GALNT13: variants seen among roughly 807,000 people sequenced by gnomAD.
The protein encoded by GALNT13 is polypeptide N-acetylgalactosaminyltransferase 13, also known as UDP-GalNAc:polypeptide N-acetylgalactosaminyltransferase 13.
GALNT13 carries 28 observed loss-of-function variants against 64.2 expected under a neutral mutation model. That is an observed-to-expected ratio of 0.44 (90% confidence interval 0.32 to 0.60). The LOEUF (loss-of-function observed/expected upper bound fraction) is 0.60, where lower values mean the gene tolerates loss of function less well. GALNT13 is among the 20% of genes least tolerant of loss of function. The pLI, the probability that GALNT13 is intolerant of heterozygous loss-of-function variation, is 0.05. For missense variants in GALNT13, 577 were observed against 669.8 expected (o/e 0.86, Z 1.53); for synonymous variants, 214 against 224.6 (o/e 0.95, Z 0.42).
the GALNT13 span, among the ~76,000 whole-genome samples, chr2:153,820,814 C>T: frequency 1.8e-4 from 28 of 152,130 alleles, no homozygotes; most frequent in South Asian, 1.9e-3. Context: ...ATCAAGTCTA[C>T]GAAACAACCA....
chr2:153,496,279 T>G, the GALNT13 span, among the ~76,000 whole-genome samples: 1 of 152,314 alleles, frequency 6.6e-6, no homozygotes, highest in East Asian at 1.9e-4. Flanking sequence ...GGACCTTTCC[T>G]TTTTAAGGAA....
the GALNT13 span, among the ~76,000 whole-genome samples, chr2:153,666,459 C>T: frequency 4.1e-4 from 63 of 152,276 alleles, 1 homozygote; most frequent in African/African-American, 1.4e-3. Context: ...TAGGACTCCC[C>T]ATTGGAGTGG....
At chr2:153,558,598 T>G in the GALNT13 span, among the ~76,000 whole-genome samples, 1 of 152,142 alleles carries the variant, frequency 6.6e-6, no homozygotes, top group African/African-American at 2.4e-5. Context: ...TAAGTCCTTA[T>G]GTAGTGCTTT....
intron 11 of GALNT13, among the ~76,000 whole-genome samples, chr2:154,421,433 C>T (rs1400983468): frequency 6.6e-6 from 1 of 151,874 alleles, no homozygotes; most frequent in Non-Finnish European, 1.5e-5. Flanking sequence ...ATATATTTTG[C>T]CTTGCTACAA....
At chr2:154,374,545 T>C (rs2037663) in intron 9 of GALNT13, among the ~76,000 whole-genome samples, 91,010 of 152,072 alleles carry the variant, frequency 0.6, 28,068 homozygotes, top group Admixed American at 0.67. Context: ...GGGAGAACCA[T>C]TACCTATCTA....
chr2:153,149,629 T>A, the GALNT13 span, among the ~76,000 whole-genome samples: 14 of 151,898 alleles, frequency 9.2e-5, no homozygotes, highest in Non-Finnish European at 5.9e-5. Flanking sequence ...AACACTCATT[T>A]TTTTGCAGTG....
At chr2:153,348,778 T>C in the GALNT13 span, among the ~76,000 whole-genome samples, 1 of 152,174 alleles carries the variant, frequency 6.6e-6, no homozygotes, top group Non-Finnish European at 1.5e-5. Flanking sequence ...TCTTAATTTC[T>C]GAACGAATCA....
the GALNT13 span, among the ~76,000 whole-genome samples, chr2:153,128,807 G>C: frequency 3.3e-5 from 5 of 151,786 alleles, no homozygotes; most frequent in Non-Finnish European, 7.4e-5. Context: ...TGGAAGGTAA[G>C]GAGGAACTCT....
intron 3 of GALNT13, among the ~76,000 whole-genome samples, chr2:154,049,165 G>A (rs1473935968): frequency 6.6e-6 from 1 of 151,862 alleles, no homozygotes; most frequent in African/African-American, 2.4e-5. Context: ...TTTGCTGACT[G>A]GAAGTTGCAG....
At chr2:154,058,704 C>A (rs1700025508) in intron 3 of GALNT13, among the ~76,000 whole-genome samples, 1 of 152,090 alleles carries the variant, frequency 6.6e-6, no homozygotes, top group South Asian at 2.1e-4. Flanking sequence ...TTGCAAGGGG[C>A]CAGTTTGGCT....
intron 4 of GALNT13, among the ~76,000 whole-genome samples, chr2:154,181,801 A>G (rs1415568316): frequency 6.6e-6 from 1 of 152,086 alleles, no homozygotes; most frequent in Non-Finnish European, 1.5e-5. Context: ...AACATAAATA[A>G]TATTTCACCA....
At chr2:153,437,855 T>C in the GALNT13 span, among the ~76,000 whole-genome samples, 1 of 152,252 alleles carries the variant, frequency 6.6e-6, no homozygotes, top group Non-Finnish European at 1.5e-5. Flanking sequence ...ATGTGTGAAT[T>C]TGATCCTGTC....
intron 4 of GALNT13, among the ~76,000 whole-genome samples, chr2:154,231,057 A>C (rs1688889395): frequency 6.6e-6 from 1 of 152,024 alleles, no homozygotes. Context: ...TCACACCACC[A>C]CTGAGGAGCT....
the GALNT13 span, among the ~76,000 whole-genome samples, chr2:153,635,459 T>TATATATATATACAC: frequency 6.7e-6 from 1 of 149,184 alleles, no homozygotes; most frequent in Non-Finnish European, 1.5e-5. Flanking sequence ...TATATGTATA[T>TATATATATATACAC]GTGTATACGT....
the GALNT13 span, among the ~76,000 whole-genome samples, chr2:153,607,132 A>C: frequency 6.6e-6 from 1 of 151,964 alleles, no homozygotes; most frequent in Non-Finnish European, 1.5e-5. Flanking sequence ...ATCCCCAGGA[A>C]CCCAAATACC....
chr2:154,016,644 C>T (rs1036680905), intron 3 of GALNT13, among the ~76,000 whole-genome samples: 1 of 152,046 alleles, frequency 6.6e-6, no homozygotes, highest in Admixed American at 6.5e-5. Flanking sequence ...TCTTGAACTC[C>T]TGACCTCATG....
chr2:154,096,074 G>A (rs1702059684), intron 3 of GALNT13, among the ~76,000 whole-genome samples: 1 of 151,924 alleles, frequency 6.6e-6, no homozygotes, highest in African/African-American at 2.4e-5. Flanking sequence ...TAATAAGGAT[G>A]AATATTTATA....
chr2:153,408,093 C>T, the GALNT13 span, among the ~76,000 whole-genome samples: 1 of 152,152 alleles, frequency 6.6e-6, no homozygotes, highest in Non-Finnish European at 1.5e-5. Flanking sequence ...AATGAGCCCC[C>T]AGTGGGTGTT....
intron 4 of GALNT13, among the ~76,000 whole-genome samples, chr2:154,153,331 T>C (rs1684178249): frequency 2.0e-5 from 3 of 152,298 alleles, no homozygotes; most frequent in Middle Eastern, 3.4e-3. Flanking sequence ...GGTGTCAGTC[T>C]GCCCCTACTG....
Sources: allele counts gnomAD v4.1 joint callset (sites outside exome capture counted in the v4.1 genomes callset), GRCh38; gene constraint gnomAD v4.1.1; transcripts MANE v1.5; gene names NCBI Gene and HGNC (gene_info 2026-07-23, HGNC 2026-07-21).